The following PLCG2 variants were observed in gnomAD, a reference collection of about 807,000 sequenced individuals.
PLCG2 encodes the protein phospholipase C gamma 2.
Under a neutral mutation model 175.6 loss-of-function variants are expected in PLCG2, and 69 were observed. That is an observed-to-expected ratio of 0.39 (90% CI 0.32 to 0.48). The LOEUF (loss-of-function observed/expected upper bound fraction) is 0.48. Among genes scored for constraint, PLCG2 ranks in the 20% least tolerant of loss-of-function variants. The pLI, the probability that PLCG2 is intolerant of heterozygous loss-of-function variation, is 0.91. For synonymous variants in PLCG2, 827 were observed against 624.0 expected (o/e 1.33, Z -4.85); for missense variants, 1,798 against 1,650.9 (o/e 1.09, Z -1.54).
rs7184243 is a variant in PLCG2 at position 81,854,739 on chromosome 16, G to A, written c.337+152G>A. ...CCCAGCCCTGCCCCTTTCTAGCTGT[G>A]TGTCTTTAGGTGAGTGACTTAACCT... On this transcript the variant is annotated intron_variant, in intron 3 of 32. Coordinates refer to ENST00000564138, the MANE Select transcript of PLCG2 (RefSeq NM_002661.5). The A allele has an allele frequency of 0.28, 191,403 of 692,972 alleles. 28,407 individuals carry two copies. The highest frequency in any genetic ancestry group is 0.31 in the Non-Finnish European group (122,899 of 399,554). The allele number at this position is 692,972 out of a possible 1,614,324, so 42.9% of individuals were successfully genotyped here.
intron 2 of PLCG2, among the ~76,000 whole-genome samples, chr16:81,763,949 A>C (rs1910091772): frequency 6.6e-6 from 1 of 152,104 alleles, no homozygotes; most frequent in African/African-American, 2.4e-5. Context: ...CCTGGGCGAC[A>C]GAGAGACTCT....
chr16:81,919,721 A>C, intron 20 of PLCG2, 57 bp downstream of exon 20: 4 of 1,457,812 alleles, frequency 2.7e-6, no homozygotes, highest in Admixed American at 3.5e-5. Context: ...GTTGTAACTC[A>C]TCTGTTCATG....
Position 81,931,821 on chromosome 16 carries a change from G to C in PLCG2, c.2739+167G>C, listed in dbSNP as rs115497977. On this transcript the variant is annotated intron_variant, in intron 25 of 32. Transcript: ENST00000564138. ...CAGACAATTGGAGCACCTCTTGTTAGAGAGAGGCAGGGATAGTGGAGGTGC... is the reference window on the plus strand; with the variant it reads ...CAGACAATTGGAGCACCTCTTGTTACAGAGAGGCAGGGATAGTGGAGGTGC... 5.6e-3 allele frequency among the ~76,000 whole-genome samples: 857 copies of C among 152,290 alleles called. 8 individuals carry two copies. The highest frequency in any genetic ancestry group is 0.02 in the African/African-American group (819 of 41,564).
chr16:81,834,576 ACC>A (rs1223862286), intron 2 of PLCG2, among the ~76,000 whole-genome samples: 2 of 145,840 alleles, frequency 1.4e-5, no homozygotes, highest in African/African-American at 2.7e-5. Flanking sequence ...TGGTTGATAG[ACC>A]CTGGATCTGC....
At chr16:81,893,909 G>C in intron 12 of PLCG2, 115 bp downstream of exon 12, 1 of 619,540 alleles carries the variant, frequency 1.6e-6, no homozygotes, top group Admixed American at 2.9e-5. Context: ...CATAATAACT[G>C]TGCATATTTA....
chr16:81,892,803 C>T (rs1278405526), intron 11 of PLCG2, among the ~76,000 whole-genome samples: 1 of 151,982 alleles, frequency 6.6e-6, no homozygotes, highest in Non-Finnish European at 1.5e-5. Context: ...CTGATCCTGT[C>T]CCTCCTACCA....
chr16:81,939,456 G>A (rs983687922), intron 29 of PLCG2, among the ~76,000 whole-genome samples: 9 of 152,318 alleles, frequency 5.9e-5, no homozygotes, highest in East Asian at 1.9e-4. Context: ...CAAATAAACT[G>A]GCATTTATGG....
At position 81,750,971 on chromosome 16, in the gene PLCG2, C is replaced by CTTT. The variant is rs34518159; in HGVS notation, c.-144-4875_-144-4873dup. 7.2e-5 allele frequency among the ~76,000 whole-genome samples: 3 copies of CTTT among 41,732 alleles called. 1 individual carries two copies. The highest frequency in any genetic ancestry group is 1.8e-4 in the African/African-American group (2 of 11,356). 27.4% of individuals were successfully genotyped at this position (41,732 alleles called of 152,430 possible). On this transcript the variant is annotated intron_variant, in intron 1 of 5. Coordinates refer to the PLCG2 transcript ENST00000565054. ...TACAGGCGTGAGCCACCGCACCCAGCTTTTTTTTTTTTTTTTTTTTTTTTT... is the reference window on the plus strand; with the variant it reads ...TACAGGCGTGAGCCACCGCACCCAGCTTTTTTTTTTTTTTTTTTTTTTTTTTTT...
In PLCG2 at chr16:81,959,076, A is replaced by G. The variant is rs73598737; in HGVS notation, c.*1078A>G. 0.023 allele frequency: 5,160 copies of G among 223,394 alleles called. 259 individuals carry two copies. The highest frequency in any genetic ancestry group is 0.11 in the African/African-American group (4,748 of 44,854). The allele number at this position is 223,394 out of a possible 1,614,324, so 13.8% of individuals were successfully genotyped here. On this transcript the variant is annotated 3_prime_UTR_variant, in exon 33 of 33. Transcript: ENST00000564138. Reference sequence around the variant, plus strand: ...CATCTTAAGTTGTTAATACATACCAATAATGTAATATGGCTTTTTAAAGGA... The same window carrying G: ...CATCTTAAGTTGTTAATACATACCAGTAATGTAATATGGCTTTTTAAAGGA...
At chr16:81,787,104 G>A (rs879568494) in intron 2 of PLCG2, among the ~76,000 whole-genome samples, 6 of 152,220 alleles carry the variant, frequency 3.9e-5, no homozygotes, top group Admixed American at 2.0e-4. Context: ...TTGGACACAT[G>A]ACATGTAATG....
chr16:81,741,184 G>C (rs1249856461), intron 1 of PLCG2, among the ~76,000 whole-genome samples: 2 of 152,030 alleles, frequency 1.3e-5, no homozygotes, highest in African/African-American at 2.4e-5. Context: ...TGTGATTAGA[G>C]CTCGCTTATA....
intron 19 of PLCG2, among the ~76,000 whole-genome samples, chr16:81,918,267 A>G (rs1909924194): frequency 6.6e-6 from 1 of 152,146 alleles, no homozygotes; most frequent in Non-Finnish European, 1.5e-5. Context: ...CTGAAAAATA[A>G]TTGCCCAGAC....
intron 2 of PLCG2, among the ~76,000 whole-genome samples, chr16:81,788,499 G>A (rs893275177): frequency 6.6e-6 from 1 of 152,092 alleles, no homozygotes; most frequent in African/African-American, 2.4e-5. Context: ...GCAGGATGGG[G>A]GTATGGCATA....
At chr16:81,811,956 CA>C (rs776978545) in intron 2 of PLCG2, among the ~76,000 whole-genome samples, 1 of 151,280 alleles carries the variant, frequency 6.6e-6, no homozygotes, top group Non-Finnish European at 1.5e-5. Flanking sequence ...CTGTCTTCCA[CA>C]ATGGTTGAAC....
At chr16:81,928,263 TG>T (rs1910359428) in intron 23 of PLCG2, among the ~76,000 whole-genome samples, 1 of 152,116 alleles carries the variant, frequency 6.6e-6, no homozygotes, top group Non-Finnish European at 1.5e-5. Context: ...GTCTAGGATG[TG>T]TTTGGAAACC....
At chr16:81,812,051 T>TTTC (rs1904342454) in intron 2 of PLCG2, among the ~76,000 whole-genome samples, 1 of 143,204 alleles carries the variant, frequency 7.0e-6, no homozygotes, top group Admixed American at 6.9e-5. Flanking sequence ...GACTTTTTTT[T>TTTC]TTTTTTTTTT....
rs772778136 is a variant in PLCG2 at position 81,786,016 on chromosome 16, C to A, written c.27C>A (p.Ser9=). Residue 9 remains serine (S), a synonymous_variant, in exon 2 of 33, where the codon TCC becomes TCA. Transcript: ENST00000564138. MSTTVNVD[S]LAEYEKSQIK... Reference sequence around the variant, plus strand: ...TGTCCACCACGGTCAATGTAGATTCCCTTGCGGAATATGAGAAGAGCCAGA... The same window carrying A: ...TGTCCACCACGGTCAATGTAGATTCACTTGCGGAATATGAGAAGAGCCAGA... The A allele has an allele frequency of 1.2e-6, 2 of 1,614,190 alleles. No homozygotes were observed. The highest frequency in any genetic ancestry group is 3.3e-5 in the Admixed American group (2 of 60,018).
At chr16:81,752,068 A>G (rs565944569) in intron 1 of PLCG2, among the ~76,000 whole-genome samples, 37 of 151,870 alleles carry the variant, frequency 2.4e-4, no homozygotes, top group Non-Finnish European at 1.5e-5. Context: ...TAATATATAT[A>G]AAAGAGCTAG....
chr16:81,942,933 A>G (rs1207722302), intron 30 of PLCG2, among the ~76,000 whole-genome samples: 1 of 144,720 alleles, frequency 6.9e-6, no homozygotes, highest in South Asian at 2.2e-4. Context: ...TTTTTTTTTT[A>G]TACAAGGAGG....
Sources: gnomAD v4.1 joint callset for allele counts (sites outside exome capture counted in the v4.1 genomes callset) on GRCh38, gnomAD v4.1.1 for gene constraint, MANE v1.5 for transcripts, NCBI Gene and HGNC (gene_info 2026-07-23, HGNC 2026-07-21) for gene names.